Variants in VAV2 observed in about 807,000 individuals in gnomAD.
The protein encoded by VAV2 is vav guanine nucleotide exchange factor 2, also known as guanine nucleotide exchange factor VAV2.
A neutral mutation model predicts 132.5 loss-of-function variants in VAV2; 67 were observed. The ratio of observed to expected loss-of-function variants is 0.51; its 90% CI spans 0.42 to 0.62. The LOEUF (loss-of-function observed/expected upper bound fraction) is 0.62, where lower values mean the gene tolerates loss of function less well. VAV2 is among the 20% of genes least tolerant of loss of function. VAV2 has a pLI of 0.00. For missense variants in VAV2, 938 were observed against 1,153.6 expected (o/e 0.81, Z 2.71); for synonymous variants, 492 against 443.5 (o/e 1.11, Z -1.37).
chr9:133,930,792 G>T (rs1266843700), intron 2 of VAV2, among the ~76,000 whole-genome samples: 1 of 152,166 alleles, frequency 6.6e-6, no homozygotes, highest in Non-Finnish European at 1.5e-5. Flanking sequence ...AGGAGAGGCC[G>T]GCACTCAGGT....
At chr9:133,981,741 C>A (rs1056240622) in intron 1 of VAV2, among the ~76,000 whole-genome samples, 3 of 152,226 alleles carry the variant, frequency 2.0e-5, no homozygotes, top group Admixed American at 6.5e-5. Flanking sequence ...TCCCCACTGC[C>A]GCCCCTGCGG....
At chr9:133,877,214 C>T (rs912152376) in intron 2 of VAV2, among the ~76,000 whole-genome samples, 2 of 152,196 alleles carry the variant, frequency 1.3e-5, no homozygotes, top group Admixed American at 6.5e-5. Context: ...AGGCTCCCTC[C>T]GCCCTCAAAC....
At chr9:133,898,949 A>G (rs966468231) in intron 2 of VAV2, among the ~76,000 whole-genome samples, 36 of 150,700 alleles carry the variant, frequency 2.4e-4, no homozygotes, top group African/African-American at 8.5e-4. Context: ...AGCCTCCCCA[A>G]TAGCTGGGAC....
At chr9:133,933,744 G>A (rs1170854315) in intron 2 of VAV2, among the ~76,000 whole-genome samples, 1 of 142,944 alleles carries the variant, frequency 7.0e-6, no homozygotes, top group African/African-American at 2.6e-5. Context: ...ATGAATGGAT[G>A]AGTGGATGGA....
chr9:133,940,913 C>T (rs1178733269), intron 1 of VAV2, among the ~76,000 whole-genome samples: 1 of 146,998 alleles, frequency 6.8e-6, no homozygotes, highest in Non-Finnish European at 1.5e-5. Context: ...CCAAAATGTC[C>T]TTATAGCTAA....
At chr9:133,931,299 C>T (rs1318655144) in intron 2 of VAV2, among the ~76,000 whole-genome samples, 1 of 152,202 alleles carries the variant, frequency 6.6e-6, no homozygotes, top group East Asian at 1.9e-4. Flanking sequence ...AGCCCAGCAG[C>T]AGGAGGGGCT....
chr9:133,960,681 G>A (rs2132221461), intron 1 of VAV2, among the ~76,000 whole-genome samples: 1 of 152,350 alleles, frequency 6.6e-6, no homozygotes, highest in South Asian at 2.1e-4. Context: ...GAGGTGCCCA[G>A]TATCCAGGCC....
rs183005830 is a variant in VAV2, at chr9:133,982,049, C to T, written c.204+10026G>A. On this transcript the variant is annotated intron_variant, in intron 1 of 29. Coordinates refer to ENST00000371850, the MANE Select transcript of VAV2 (RefSeq NM_001134398.2). Reference sequence around the variant, plus strand: ...CTGTGCGACCCGGAAGGGGAAAGCCCGGGGGACCAAGAGCCCTTGTCAGGG... The same window carrying T: ...CTGTGCGACCCGGAAGGGGAAAGCCTGGGGGACCAAGAGCCCTTGTCAGGG... 8.5e-5 allele frequency among the ~76,000 whole-genome samples: 13 copies of T among 152,328 alleles called. No homozygotes were observed. The South Asian group carries it at 2.3e-3, about 27-fold the overall frequency.
At chr9:133,964,936 A>G (rs983078924) in intron 1 of VAV2, among the ~76,000 whole-genome samples, 4 of 152,114 alleles carry the variant, frequency 2.6e-5, no homozygotes, top group Non-Finnish European at 5.9e-5. Context: ...CACTTTCACC[A>G]CTCTTATTCA....
At position 133,991,962 on chromosome 9, in the gene VAV2, C is replaced by T; in HGVS notation, c.204+113G>A. On this transcript the variant is annotated intron_variant, in intron 1 of 29. Coordinates refer to ENST00000371850, the MANE Select transcript of VAV2 (RefSeq NM_001134398.2). The surrounding 1 kb of genome is among the most constrained non-coding windows in gnomAD (Gnocchi z 4.8). Reference sequence around the variant, plus strand: ...CGCCCGCCCGCGTCCCGGAGCCCGGCCGCCCCAGCCAGGGCGCCTGGGCCG... The same window carrying T: ...CGCCCGCCCGCGTCCCGGAGCCCGGTCGCCCCAGCCAGGGCGCCTGGGCCG... The T allele has an allele frequency of 8.7e-6, 8 of 916,754 alleles. No individual in the cohort carries two copies. Among genetic ancestry groups the T allele is most frequent in the Non-Finnish European group, 1.1e-5 (8 of 729,488 alleles). 56.8% of individuals were successfully genotyped at this position (916,754 alleles called of 1,614,324 possible). A position where few individuals can be genotyped will look rare whatever the true frequency, so the allele number is the denominator to read the frequency against.
intron 1 of VAV2, among the ~76,000 whole-genome samples, chr9:133,980,265 G>A (rs58586473): frequency 0.12 from 18,928 of 152,252 alleles, 1,404 homozygotes; most frequent in African/African-American, 0.19. Flanking sequence ...GGGCTGGCAC[G>A]AGGCCTCAAC....
chr9:133,841,618 A>G (rs566345087), intron 3 of VAV2, among the ~76,000 whole-genome samples: 32 of 152,234 alleles, frequency 2.1e-4, no homozygotes, highest in Non-Finnish European at 2.4e-4. Flanking sequence ...CAGAGATAAC[A>G]TCAGGGAGAA....
chr9:133,779,390 G>T (rs1833926506), intron 21 of VAV2, among the ~76,000 whole-genome samples: 1 of 152,184 alleles, frequency 6.6e-6, no homozygotes, highest in African/African-American at 2.4e-5. Context: ...GGAGCCCATG[G>T]CTCTCCCAGC....
At chr9:133,838,822 G>C (rs987161781) in intron 3 of VAV2, among the ~76,000 whole-genome samples, 6 of 139,076 alleles carry the variant, frequency 4.3e-5, no homozygotes. Context: ...TGAATGGATA[G>C]GTTGGTGAGT....
chr9:133,872,159 A>G (rs1322486380), intron 2 of VAV2, among the ~76,000 whole-genome samples: 1 of 152,040 alleles, frequency 6.6e-6, no homozygotes, highest in African/African-American at 2.4e-5. Flanking sequence ...GGCCAGGGCC[A>G]GGGATGTGGG....
At chr9:133,813,981 G>A (rs1835458790) in intron 4 of VAV2, among the ~76,000 whole-genome samples, 1 of 152,188 alleles carries the variant, frequency 6.6e-6, no homozygotes. Context: ...CAGGGCTGTG[G>A]CCCTCGCTCA....
At chr9:133,835,910 G>T (rs1043767982) in intron 3 of VAV2, among the ~76,000 whole-genome samples, 2 of 152,166 alleles carry the variant, frequency 1.3e-5, no homozygotes, top group Admixed American at 1.3e-4. Context: ...GGCGCAGCAC[G>T]GCCAGGCCTG....
intron 2 of VAV2, among the ~76,000 whole-genome samples, chr9:133,904,901 G>A (rs972076183): frequency 5.9e-5 from 9 of 152,206 alleles, no homozygotes; most frequent in Admixed American, 2.6e-4. Flanking sequence ...CCACCATACA[G>A]GGCCACAGCA....
chr9:133,799,667 C>T (rs895849433), intron 9 of VAV2, among the ~76,000 whole-genome samples: 3 of 152,128 alleles, frequency 2.0e-5, no homozygotes, highest in Admixed American at 6.5e-5. Context: ...TGGGAACCTG[C>T]CCCCTGGTTA....
Sources: allele counts gnomAD v4.1 joint callset (sites outside exome capture counted in the v4.1 genomes callset), GRCh38; gene constraint gnomAD v4.1.1; non-coding constraint Gnocchi (gnomAD v3.1); transcripts MANE v1.5; gene names NCBI Gene and HGNC (gene_info 2026-07-23, HGNC 2026-07-21).